The following DOCK6 variants were observed in gnomAD, a reference collection of about 807,000 sequenced individuals.
The protein encoded by DOCK6 is dedicator of cytokinesis protein 6.
DOCK6 carries 167 observed loss-of-function variants against 230.3 expected under a neutral mutation model. The ratio of observed to expected loss-of-function variants is 0.73; its 90% confidence interval spans 0.64 to 0.82. The LOEUF is 0.82. Among genes scored for constraint, DOCK6 ranks in the 40% least tolerant of loss-of-function variants. The probability of loss-of-function intolerance (pLI) is 0.00; values close to 1 mark genes in which losing one functional copy is unlikely to be tolerated. For missense variants in DOCK6, 2,598 were observed against 2,825.8 expected, an observed-to-expected ratio of 0.92 and a Z score of 1.83; for synonymous variants, 1,148 against 1,185.0, an observed-to-expected ratio of 0.97 and a Z score of 0.64.
chr19:11,255,055 T>C (rs920431759), intron 1 of DOCK6, among the ~76,000 whole-genome samples: 2 of 152,090 alleles, frequency 1.3e-5, no homozygotes, highest in Non-Finnish European at 2.9e-5. Context: ...CAGGCTGGAG[T>C]GCAATGGCCA....
At chr19:11,219,663 G>C (rs555647456) in intron 28 of DOCK6, among the ~76,000 whole-genome samples, 11 of 151,676 alleles carry the variant, frequency 7.3e-5, no homozygotes, top group African/African-American at 1.9e-4. Context: ...GGTGACGGGC[G>C]CCTGTAGTCC....
chr19:11,241,256 C>T (rs1461864826), intron 14 of DOCK6, among the ~76,000 whole-genome samples: 2 of 151,494 alleles, frequency 1.3e-5, no homozygotes, highest in Admixed American at 1.3e-4. Flanking sequence ...AAAAAAAATC[C>T]ATAGGATGTT....
chr19:11,259,524 T>G (rs1253087290), intron 1 of DOCK6, among the ~76,000 whole-genome samples: 79 of 149,608 alleles, frequency 5.3e-4, no homozygotes, highest in Non-Finnish European at 1.0e-4. Context: ...CTCATTTTCT[T>G]CCCACCCCTC....
chr19:11,211,816 G>A lies in DOCK6; in HGVS notation c.4711C>T (p.His1571Tyr). The A allele has an allele frequency of 1.3e-6, 2 of 1,552,322 alleles. No individual in the cohort carries two copies. Among genetic ancestry groups the A allele is most frequent in the Non-Finnish European group, 1.7e-6 (2 of 1,147,288 alleles). ...ATGAGCATCTCAGGGTCCTCCTGGTGTTCCTTCATCTTCACCGTGTCCGTC... is the reference window on the plus strand; with the variant it reads ...ATGAGCATCTCAGGGTCCTCCTGGTATTCCTTCATCTTCACCGTGTCCGTC... ...ILTDTVKMKE[H>Y]QEDPEMLIDL... Residue 1571 changes from histidine (H) to tyrosine (Y), a missense_variant, in exon 37 of 48, where the codon CAC becomes TAC. Coordinates refer to ENST00000294618, the MANE Select transcript of DOCK6 (RefSeq NM_020812.4).
rs752447404 is a variant in DOCK6 at position 11,238,311 on chromosome 19, G to A, written c.1644-7C>T. The stretch of plus-strand genomic sequence containing the variant: ...GTACACGTACAGCAGGTTCCTGTGG[G>A]GGGCAGGATGGGGGTGTCAGAGGGA... On this transcript the variant is annotated splice_polypyrimidine_tract_variant and splice_region_variant and intron_variant, in intron 14 of 47. Coordinates refer to ENST00000294618, the MANE Select transcript of DOCK6 (RefSeq NM_020812.4). The A allele has an allele frequency of 1.9e-6, 3 of 1,595,726 alleles. No individual in the cohort carries two copies. In the Admixed American group the frequency reaches 5.2e-5, roughly 28 times the overall value.
chr19:11,241,434 G>T lies in DOCK6; in HGVS notation c.1643+611C>A. 3 of 1,537,650 alleles carry T rather than the reference G, an allele frequency of 2.0e-6. No homozygotes were observed. The South Asian group carries it at 3.6e-5, about 18-fold the overall frequency. On this transcript the variant is annotated intron_variant, in intron 14 of 47. Transcript: ENST00000294618. ...GGCTGTCGGCTGAGGTTTCCATTCT[G>T]ACCCCCACAGGCTCACGCTGACAAG...
Position 11,252,953 on chromosome 19 carries a change from T to C in DOCK6, c.138A>G (p.Pro46=), listed in dbSNP as rs764016011. 1.3e-4 allele frequency: 210 copies of C among 1,604,618 alleles called. 1 individual carries two copies. The East Asian group carries it at 4.7e-3, about 36-fold the overall frequency. Residue 46 remains proline, a synonymous_variant, in exon 3 of 48, where the codon CCA becomes CCG. Transcript: ENST00000294618. ...SRRCSSSLGV[P]LTEVVEPLDF... is the part of the protein sequence containing the mutation. The stretch of plus-strand genomic sequence containing the variant: ...CCAGGGGCTCGACAACTTCAGTCAG[T>C]GGGACCTGGATTGGAGCAAAGTGGC...
intron 31 of DOCK6, 69 bp from the exon 32 acceptor site, chr19:11,215,540 G>A (rs1281721049): frequency 2.0e-6 from 3 of 1,471,894 alleles, no homozygotes; most frequent in Non-Finnish European, 1.9e-6. Flanking sequence ...CAGGAGAAAT[G>A]CACAGGCATG....
chr19:11,261,819 G>C (rs936732949), intron 1 of DOCK6, among the ~76,000 whole-genome samples: 1 of 150,802 alleles, frequency 6.6e-6, no homozygotes, highest in African/African-American at 2.5e-5. Context: ...AGAAGGTGGG[G>C]GGGCGTCCAC....
At chr19:11,228,060 G>T (rs1030622822) in intron 23 of DOCK6, among the ~76,000 whole-genome samples, 1 of 149,940 alleles carries the variant, frequency 6.7e-6, no homozygotes, top group Non-Finnish European at 1.5e-5. Flanking sequence ...ACCCAGGCTG[G>T]TGTGCAGTGG....
At position 11,239,513 on chromosome 19, in the gene DOCK6, T is replaced by C. The variant is rs1541924; in HGVS notation, c.1644-1209A>G. On this transcript the variant is annotated intron_variant, in intron 14 of 47. Coordinates refer to ENST00000294618, the MANE Select transcript of DOCK6 (RefSeq NM_020812.4). ...TCGCCTGATGCAACTATCGCACCAC[T>C]GCCAGGCCCTTGTGCAATGCGGGGC... is the stretch of plus-strand genomic sequence containing the variant. 6,497 of 1,202,188 alleles carry C rather than the reference T, an allele frequency of 5.4e-3. 236 individuals carry two copies. The African/African-American group carries it at 0.084, about 16-fold the overall frequency. The allele number at this position is 1,202,188 out of a possible 1,614,324, so 74.5% of individuals were successfully genotyped here.
Position 11,257,262 on chromosome 19 carries a change from G to A in DOCK6, c.45-3536C>T, listed in dbSNP as rs576342677. ...TCTTCCCGCCTCAGCCTCCTAAAGT[G>A]CTGGGATTACAGGTGTGAGCCACTG... On this transcript the variant is annotated intron_variant, in intron 1 of 47. Coordinates refer to ENST00000294618, the MANE Select transcript of DOCK6 (RefSeq NM_020812.4). Among the ~76,000 whole-genome samples the A allele has an allele frequency of 4.0e-5, 6 of 148,962 alleles. 1 individual carries two copies. The South Asian group carries it at 1.3e-3, about 32-fold the overall frequency.
Position 11,222,023 on chromosome 19 carries a change from A to T in DOCK6, c.3381-3T>A. 1 of 1,609,758 alleles carries T rather than the reference A, an allele frequency of 6.2e-7. No individual in the cohort carries two copies. Among genetic ancestry groups the T allele is most frequent in the Non-Finnish European group, 8.5e-7 (1 of 1,176,528 alleles). The stretch of plus-strand genomic sequence containing the variant: ...CCTTCTTGTGCAACAGGAATGCCCT[A>T]TGGGGTAATGAGGTGCTCAGGACAG... On this transcript the variant is annotated splice_polypyrimidine_tract_variant and splice_region_variant and intron_variant, in intron 27 of 47. Transcript: ENST00000294618. This position sits in a 1 kb window ranked among gnomAD's most constrained non-coding sequence, Gnocchi z 4.0.
At chr19:11,224,936 C>T (rs1182336104) in intron 24 of DOCK6, among the ~76,000 whole-genome samples, 4 of 152,042 alleles carry the variant, frequency 2.6e-5, no homozygotes, top group Admixed American at 6.5e-5. Flanking sequence ...TGGTGGTGGG[C>T]GCCTATAGTC....
chr19:11,223,114 CA>C lies in DOCK6; in HGVS notation c.2956-9del. On this transcript the variant is annotated splice_polypyrimidine_tract_variant and intron_variant, in intron 24 of 47. Coordinates refer to ENST00000294618, the MANE Select transcript of DOCK6 (RefSeq NM_020812.4). ...CTCGGCCAGCTCCACATCCTGGGGA[CA>C]CAGGTGCCTGTCAACCCACACACCC... is the stretch of plus-strand genomic sequence containing the variant. 1 of 1,611,028 alleles carries C rather than the reference CA, an allele frequency of 6.2e-7. No individual in the cohort carries two copies.
At position 11,252,796 on chromosome 19, in the gene DOCK6, T is replaced by A. The variant is rs574328860; in HGVS notation, c.295A>T (p.Ile99Phe). ...PRECRTTEPGIPKDEKLDAQV... is the reference protein window; with the variant it reads ...PRECRTTEPGFPKDEKLDAQV... The stretch of plus-strand genomic sequence containing the variant: ...GGCTGAACCCACTCATCCTTGGGGA[T>A]CCCGGGCTCCGTGGTCCGGCATTCC... Residue 99 changes from isoleucine (I) to phenylalanine (F), a missense_variant, in exon 3 of 48, where the codon ATC becomes TTC. Coordinates refer to ENST00000294618, the MANE Select transcript of DOCK6 (RefSeq NM_020812.4). The A allele has an allele frequency of 6.2e-7, 1 of 1,611,196 alleles. No individual in the cohort carries two copies. Among genetic ancestry groups the A allele is most frequent in the South Asian group, 1.1e-5 (1 of 90,934 alleles).
At chr19:11,229,384 C>T (rs1199012382) in intron 22 of DOCK6, 5 of 1,088,094 alleles carry the variant, frequency 4.6e-6, no homozygotes, top group South Asian at 6.8e-5. Context: ...GAGTTGCAGT[C>T]GATGGCCTAT....
At chr19:11,215,645 C>A in intron 31 of DOCK6, 156 bp downstream of exon 31, 1 of 1,358,916 alleles carries the variant, frequency 7.4e-7, no homozygotes. Flanking sequence ...CAGATGGGGA[C>A]GCACAGGCGC....
intron 37 of DOCK6, among the ~76,000 whole-genome samples, chr19:11,210,021 T>C (rs1475407159): frequency 1.9e-4 from 24 of 129,324 alleles, no homozygotes; most frequent in Admixed American, 1.8e-3. Context: ...CCTTCTCACC[T>C]GTCCACCGTC....
Sources: gnomAD v4.1 joint callset for allele counts (sites outside exome capture counted in the v4.1 genomes callset) on GRCh38, gnomAD v4.1.1 for gene constraint, Gnocchi (gnomAD v3.1) non-coding constraint, MANE v1.5 for transcripts, NCBI Gene and HGNC (gene_info 2026-07-23, HGNC 2026-07-21) for gene names.